LOXHD1: variants seen among roughly 807,000 people sequenced by gnomAD.
LOXHD1 encodes lipoxygenase homology domain-containing protein 1.
Under a neutral mutation model 248.2 loss-of-function variants are expected in LOXHD1, and 205 were observed. That is an observed-to-expected ratio of 0.83 (90% confidence interval 0.74 to 0.93). The LOEUF (loss-of-function observed/expected upper bound fraction) is 0.93. Ranked by LOEUF, LOXHD1 falls within the 40% of genes least tolerant of loss-of-function variation. The probability of loss-of-function intolerance (pLI) is 0.00; values close to 1 mark genes in which losing one functional copy is unlikely to be tolerated. For missense variants in LOXHD1, 2,930 were observed against 2,971.6 expected, an observed-to-expected ratio of 0.99 and a Z score of 0.33; for synonymous variants, 1,113 against 1,162.8, an observed-to-expected ratio of 0.96 and a Z score of 0.87.
intron 5 of LOXHD1, among the ~76,000 whole-genome samples, chr18:46,616,605 T>C (rs541584354): frequency 1.3e-5 from 2 of 152,336 alleles, no homozygotes; most frequent in African/African-American, 4.8e-5. Context: ...CTGTGTACAA[T>C]TTCCTTTTTC....
rs1408589677 is a variant in LOXHD1 at position 46,521,173 on chromosome 18, G to T, written c.5195C>A (p.Ala1732Asp). ...KYMLNCNCWL[A>D]KDRGDGITSR... ...GGTGATGCCGTCGCCTCTGTCCTTG[G>T]CCAGCCAGCAGTTACAGTTCAACAT... Residue 1732 changes from alanine to aspartate, a missense_variant, in exon 33 of 41, where the codon GCC becomes GAC. Ala to Asp is a moderately radical substitution (Grantham distance 126). Coordinates refer to ENST00000642948, the MANE Select transcript of LOXHD1 (RefSeq NM_001384474.1). 1 of 1,551,718 alleles carries T rather than the reference G, an allele frequency of 6.4e-7. No individual in the cohort carries two copies. The highest frequency in any genetic ancestry group is 8.7e-7 in the Non-Finnish European group (1 of 1,147,008).
chr18:46,613,039 C>A (rs892609117), intron 5 of LOXHD1, among the ~76,000 whole-genome samples: 2 of 152,022 alleles, frequency 1.3e-5, no homozygotes, highest in African/African-American at 4.8e-5. Context: ...ATATTGTTAG[C>A]ATTATTTTCA....
At chr18:46,582,622 T>C (rs1282255265) in intron 12 of LOXHD1, among the ~76,000 whole-genome samples, 1 of 152,204 alleles carries the variant, frequency 6.6e-6, no homozygotes, top group Non-Finnish European at 1.5e-5. Context: ...TTACATTAAA[T>C]TTAATTAGAC....
chr18:46,604,316 G>A, intron 6 of LOXHD1, 87 bp from the exon 7 acceptor site: 3 of 1,505,434 alleles, frequency 2.0e-6, no homozygotes, highest in Non-Finnish European at 2.7e-6. Flanking sequence ...AATCACTTGA[G>A]TCTACTTTAA....
chr18:46,500,021 T>C lies in LOXHD1; in HGVS notation c.5878+5817A>G, dbSNP rs1239253094. 2.0e-5 allele frequency among the ~76,000 whole-genome samples: 3 copies of C among 152,242 alleles called. No homozygotes were observed. In the East Asian group the frequency reaches 5.8e-4, roughly 29 times the overall value. Reference sequence around the variant, plus strand: ...TCAGCATTACAGAGTTTCCCAGATGTAAATTTCCTCCCCAAGCACATCCCA... The same window carrying C: ...TCAGCATTACAGAGTTTCCCAGATGCAAATTTCCTCCCCAAGCACATCCCA... On this transcript the variant is annotated intron_variant, in intron 37 of 40. Transcript: ENST00000642948.
At chr18:46,604,306 A>G in intron 6 of LOXHD1, 77 bp from the exon 7 acceptor site, 1 of 1,524,440 alleles carries the variant, frequency 6.6e-7, no homozygotes. Context: ...CCAATCTTCC[A>G]ATCACTTGAG....
At chr18:46,478,296 G>A (rs956189229) in intron 40 of LOXHD1, among the ~76,000 whole-genome samples, 1 of 151,646 alleles carries the variant, frequency 6.6e-6, no homozygotes, top group Non-Finnish European at 1.5e-5. Context: ...TGATTCACCT[G>A]CCTCAGGCTC....
chr18:46,522,793 C>A (rs75998399), intron 31 of LOXHD1, among the ~76,000 whole-genome samples: 4,350 of 152,252 alleles, frequency 0.029, 195 homozygotes, highest in African/African-American at 0.099. Flanking sequence ...TAGAAGACAG[C>A]AATTTCCAAA....
chr18:46,568,159 G>C (rs1426065746), intron 16 of LOXHD1, among the ~76,000 whole-genome samples: 2 of 152,194 alleles, frequency 1.3e-5, no homozygotes, highest in Non-Finnish European at 2.9e-5. Context: ...ACCTGAAATA[G>C]GGTGGGACTC....
rs60099172 is a variant in LOXHD1 at position 46,540,654 on chromosome 18, CTTTTTTTTTT to C, written c.3913+1112_3913+1121del. ...AAGTCAAACCATACAAACTCTTTAT[CTTTTTTTTTT>C]TTTTTTTTTTTTTGGTATGGCATGT... On this transcript the variant is annotated intron_variant, in intron 25 of 40. Coordinates refer to ENST00000642948, the MANE Select transcript of LOXHD1 (RefSeq NM_001384474.1). 6.6e-5 allele frequency among the ~76,000 whole-genome samples: 6 copies of C among 91,404 alleles called. 1 individual carries two copies. The highest frequency in any genetic ancestry group is 1.0e-4 in the Non-Finnish European group (5 of 49,834). The allele number at this position is 91,404 out of a possible 152,430, so 60.0% of individuals were successfully genotyped here.
chr18:46,582,988 G>T (rs962166648), intron 12 of LOXHD1, among the ~76,000 whole-genome samples: 6 of 152,204 alleles, frequency 3.9e-5, no homozygotes, highest in Admixed American at 3.3e-4. Context: ...GACAGGAGTA[G>T]TGTAGTTTAA....
rs570602921 is a variant in LOXHD1 at position 46,560,094 on chromosome 18, G to A, written c.3050C>T (p.Pro1017Leu). The A allele has an allele frequency of 2.7e-5, 19 of 696,902 alleles. No individual in the cohort carries two copies. Among genetic ancestry groups the A allele is most frequent in the African/African-American group, 1.5e-4 (6 of 40,862 alleles). 43.2% of individuals were successfully genotyped at this position (696,902 alleles called of 1,614,324 possible). The change falls in exon 19 of 41, where the codon CCG (proline) becomes CTG (leucine). Residue 1017 changes from proline (P) to leucine (L), a missense_variant. Physicochemically the swap from Pro to Leu is moderately conservative, Grantham distance 98. Coordinates refer to ENST00000642948, the MANE Select transcript of LOXHD1 (RefSeq NM_001384474.1). ...CACGACCCACTTACGCTCAGGACCC[G>A]GCTTGCCAGCTGGCACCAACTCCAC... ...LVVELVPAGK[P>L]GPERNTYEVQ...
At chr18:46,536,567 A>G (rs1366116344) in intron 26 of LOXHD1, among the ~76,000 whole-genome samples, 2 of 152,196 alleles carry the variant, frequency 1.3e-5, no homozygotes, top group Non-Finnish European at 2.9e-5. Context: ...TGGGGACTTC[A>G]TTGATAAAAA....
chr18:46,478,646 T>G (rs768526251), intron 40 of LOXHD1, among the ~76,000 whole-genome samples: 3 of 152,214 alleles, frequency 2.0e-5, no homozygotes, highest in Non-Finnish European at 4.4e-5. Context: ...CCTCATGATC[T>G]GACTCTCCTC....
intron 1 of LOXHD1, among the ~76,000 whole-genome samples, chr18:46,650,601 G>A (rs950414287): frequency 2.0e-5 from 3 of 152,136 alleles, no homozygotes; most frequent in East Asian, 3.8e-4. Context: ...CCCCAAAGAC[G>A]CCCAGCTGAT....
intron 15 of LOXHD1, 123 bp downstream of exon 15, chr18:46,571,963 C>T: frequency 1.2e-6 from 1 of 823,488 alleles, no homozygotes; most frequent in Non-Finnish European, 2.0e-6. Context: ...CCTCCCTCTC[C>T]TCCCTCCCCA....
chr18:46,481,067 T>C (rs2032522648), intron 40 of LOXHD1, among the ~76,000 whole-genome samples: 1 of 152,200 alleles, frequency 6.6e-6, no homozygotes, highest in African/African-American at 2.4e-5. Context: ...TTTGGAGTTA[T>C]TGTGTGTATG....
intron 1 of LOXHD1, among the ~76,000 whole-genome samples, chr18:46,651,617 A>T (rs977990950): frequency 6.6e-6 from 1 of 152,128 alleles, no homozygotes; most frequent in African/African-American, 2.4e-5. Flanking sequence ...TGATTCTGGG[A>T]TGCACAGCTA....
intron 4 of LOXHD1, among the ~76,000 whole-genome samples, chr18:46,619,386 C>T (rs770896405): frequency 1.3e-5 from 2 of 152,148 alleles, no homozygotes; most frequent in Non-Finnish European, 2.9e-5. Context: ...CTCAGCTCCG[C>T]TATGTTGCCT....
Sources: allele counts gnomAD v4.1 joint callset (sites outside exome capture counted in the v4.1 genomes callset), GRCh38; gene constraint gnomAD v4.1.1; transcripts MANE v1.5; gene names NCBI Gene and HGNC (gene_info 2026-07-23, HGNC 2026-07-21).